Variants in HDAC9 observed in about 807,000 individuals in gnomAD.
HDAC9 encodes MEF-2 interacting transcription repressor (MITR) protein.
Under a neutral mutation model 139.4 loss-of-function variants are expected in HDAC9, and 41 were observed. The observed-to-expected ratio is 0.29, with a 90% confidence interval of 0.23 to 0.38. HDAC9 has a LOEUF of 0.38. Among genes scored for constraint, HDAC9 ranks in the 10% least tolerant of loss-of-function variants. HDAC9 has a pLI of 1.00. For missense variants in HDAC9, 1,147 were observed against 1,297.0 expected, an observed-to-expected ratio of 0.88 and a Z score of 1.78; for synonymous variants, 517 against 476.2, an observed-to-expected ratio of 1.09 and a Z score of -1.12.
chr7:18,749,274 G>C, intron 14 of HDAC9, 136 bp downstream of exon 14: 6 of 968,408 alleles, frequency 6.2e-6, no homozygotes, highest in Non-Finnish European at 9.2e-6. Context: ...CATAGATTCA[G>C]GTAGCACAGA....
chr7:18,891,706 A>G (rs1800696718), intron 22 of HDAC9, among the ~76,000 whole-genome samples: 1 of 152,190 alleles, frequency 6.6e-6, no homozygotes, highest in Admixed American at 6.5e-5. Context: ...ATCAACTTTC[A>G]ATCCCAATAG....
At chr7:18,274,813 G>T (rs1443280875) in intron 2 of HDAC9, among the ~76,000 whole-genome samples, 1 of 152,094 alleles carries the variant, frequency 6.6e-6, no homozygotes, top group African/African-American at 2.4e-5. Context: ...GCATAACACT[G>T]CTATATATTC....
chr7:18,916,173 A>T (rs145814710), intron 22 of HDAC9, among the ~76,000 whole-genome samples: 9 of 152,144 alleles, frequency 5.9e-5, no homozygotes, highest in Middle Eastern at 3.4e-3. Flanking sequence ...TTTGTGTTTG[A>T]AAGTGTACTA....
intron 16 of HDAC9, among the ~76,000 whole-genome samples, chr7:18,786,750 C>T (rs987352983): frequency 1.6e-5 from 2 of 128,674 alleles, no homozygotes; most frequent in Non-Finnish European, 3.1e-5. Context: ...GCTTTCTTTC[C>T]TTCCTTTTCT....
At chr7:18,897,164 G>A (rs564762647) in intron 22 of HDAC9, among the ~76,000 whole-genome samples, 3 of 147,278 alleles carry the variant, frequency 2.0e-5, no homozygotes, top group African/African-American at 7.4e-5. Context: ...GGAAAATAAT[G>A]GCTGAAAAAA....
intron 1 of HDAC9, among the ~76,000 whole-genome samples, chr7:18,089,620 T>A (rs1255202246): frequency 6.6e-6 from 1 of 152,154 alleles, no homozygotes; most frequent in Non-Finnish European, 1.5e-5. Context: ...TATTAATATC[T>A]ACATCTAGGT....
chr7:18,845,326 A>T (rs1435490800), intron 21 of HDAC9, among the ~76,000 whole-genome samples: 5 of 152,130 alleles, frequency 3.3e-5, no homozygotes, highest in African/African-American at 1.2e-4. Flanking sequence ...CAGGTCTCTA[A>T]ACATACTTTA....
intron 1 of HDAC9, among the ~76,000 whole-genome samples, chr7:18,470,928 T>C (rs1177356458): frequency 6.6e-6 from 1 of 152,106 alleles, no homozygotes; most frequent in Non-Finnish European, 1.5e-5. Flanking sequence ...ATTTTATTTA[T>C]ATACTAGGAT....
intron 2 of HDAC9, among the ~76,000 whole-genome samples, chr7:18,508,401 T>G (rs561013680): frequency 6.6e-6 from 1 of 152,208 alleles, no homozygotes; most frequent in Admixed American, 6.5e-5. Flanking sequence ...TTGTTACCTC[T>G]GCTTTGTGGA....
At position 18,543,886 on chromosome 7, in the gene HDAC9, GAAAAAAA is replaced by G. The variant is rs111903866; in HGVS notation, c.23-41385_23-41379del. Among the ~76,000 whole-genome samples the G allele has an allele frequency of 5.0e-5, 6 of 118,910 alleles. No homozygotes were observed. The Admixed American group carries it at 5.3e-4, about 10-fold the overall frequency. 78.0% of individuals were successfully genotyped at this position (118,910 alleles called of 152,430 possible). ...CCTGGACTCGTTCAGTGTATTTTAG[GAAAAAAA>G]AAAAAAAAAGAAAAGTGGCTTACAA... On this transcript the variant is annotated intron_variant, in intron 2 of 25. Coordinates refer to ENST00000686413, the MANE Select transcript of HDAC9 (RefSeq NM_178425.4).
chr7:18,433,491 CCAAAAGCTATAGTCTCTGCT>C (rs1790874790), intron 1 of HDAC9, among the ~76,000 whole-genome samples: 1 of 152,032 alleles, frequency 6.6e-6, no homozygotes, highest in Admixed American at 6.6e-5. Flanking sequence ...TAGTCTCTGC[CCAAAAGCTATAGTCTCTGCT>C]CAAAAGCTAT....
At chr7:18,439,980 T>C (rs1791595994) in intron 1 of HDAC9, among the ~76,000 whole-genome samples, 2 of 152,194 alleles carry the variant, frequency 1.3e-5, no homozygotes, top group South Asian at 2.1e-4. Context: ...TCAACTTGTA[T>C]TGATGCTTGA....
chr7:18,542,867 G>T lies in HDAC9; in HGVS notation c.23-42414G>T, dbSNP rs149317088. On this transcript the variant is annotated intron_variant, in intron 2 of 25. Coordinates refer to ENST00000686413, the MANE Select transcript of HDAC9 (RefSeq NM_178425.4). ...GTGTAATATGTTAAAAATTAATGAA[G>T]TATATTAATTACTGTTATTTATAAT... is the stretch of plus-strand genomic sequence containing the variant. Among the ~76,000 whole-genome samples, 13 of 152,078 alleles carry T rather than the reference G, an allele frequency of 8.5e-5. No individual in the cohort carries two copies. In the East Asian group the frequency reaches 2.5e-3, roughly 29 times the overall value.
intron 6 of HDAC9, among the ~76,000 whole-genome samples, chr7:18,595,856 TC>T (rs1832327203): frequency 1.3e-5 from 2 of 152,118 alleles, no homozygotes; most frequent in African/African-American, 4.8e-5. Context: ...ATACTTTGTG[TC>T]CCACTGTTGC....
At chr7:18,616,126 ATTT>A (rs1838522060) in intron 6 of HDAC9, among the ~76,000 whole-genome samples, 2 of 151,998 alleles carry the variant, frequency 1.3e-5, no homozygotes, top group Admixed American at 1.3e-4. Flanking sequence ...CCTCTTCCTT[ATTT>A]TTTAAGGACC....
At chr7:18,612,580 T>A (rs1212043729) in intron 6 of HDAC9, among the ~76,000 whole-genome samples, 1 of 152,016 alleles carries the variant, frequency 6.6e-6, no homozygotes, top group East Asian at 1.9e-4. Context: ...AGACACAGAA[T>A]TCAATGATGA....
In HDAC9 at chr7:18,590,494, G is replaced by C; in HGVS notation, c.415+8G>C. On this transcript the variant is annotated splice_region_variant and intron_variant, in intron 4 of 25. Transcript: ENST00000686413. ...AAGATAGAGGACGAGAAAGTAAGAG[G>C]CACCAGGGTAAACGATGGACTCTCT... 1.3e-6 allele frequency: 2 copies of C among 1,589,640 alleles called. No individual in the cohort carries two copies. The highest frequency in any genetic ancestry group is 1.7e-6 in the Non-Finnish European group (2 of 1,167,798).
At chr7:18,754,718 C>T (rs1004879966) in intron 14 of HDAC9, among the ~76,000 whole-genome samples, 1 of 152,120 alleles carries the variant, frequency 6.6e-6, no homozygotes, top group Non-Finnish European at 1.5e-5. Flanking sequence ...GTTGTCCCTT[C>T]AGGGTCTTCT....
chr7:18,985,327 T>A (rs1233276569), intron 25 of HDAC9, among the ~76,000 whole-genome samples: 22 of 152,140 alleles, frequency 1.4e-4, no homozygotes, highest in Admixed American at 1.4e-3. Context: ...GTGTTTGGTT[T>A]TTTGTTCTTG....
Sources: gnomAD v4.1 joint callset for allele counts (sites outside exome capture counted in the v4.1 genomes callset) on GRCh38, gnomAD v4.1.1 for gene constraint, MANE v1.5 for transcripts, NCBI Gene and HGNC (gene_info 2026-07-23, HGNC 2026-07-21) for gene names.